Variants in PCID2 observed in about 807,000 individuals in gnomAD.
PCID2 encodes the protein PCI domain-containing protein 2.
Under a neutral mutation model 61.3 loss-of-function variants are expected in PCID2, and 41 were observed. That is an observed-to-expected ratio of 0.67 (90% CI 0.52 to 0.87). PCID2 has a LOEUF of 0.87. PCID2 is among the 40% of genes least tolerant of loss of function. The probability of loss-of-function intolerance (pLI) is 0.00; values close to 1 mark genes in which losing one functional copy is unlikely to be tolerated. For synonymous variants in PCID2, 187 were observed against 177.8 expected (o/e 1.05, Z -0.41); for missense variants, 392 against 493.4 (o/e 0.79, Z 1.95).
the PCID2 span, among the ~76,000 whole-genome samples, chr13:113,168,079 G>T: frequency 6.6e-6 from 1 of 152,078 alleles, no homozygotes; most frequent in Non-Finnish European, 1.5e-5. Context: ...TCCTGACCTG[G>T]GTGCTGGTTT....
chr13:113,176,573 GCAA>G, downstream of PCID2, among the ~76,000 whole-genome samples: 1 of 3,844 alleles, frequency 2.6e-4, no homozygotes, highest in Non-Finnish European at 0.045. Flanking sequence ...ACCAGCCTGT[GCAA>G]TATTAGCAAG....
intron 10 of PCID2, among the ~76,000 whole-genome samples, chr13:113,180,540 T>C (rs1408123763): frequency 6.6e-6 from 1 of 152,222 alleles, no homozygotes; most frequent in East Asian, 1.9e-4. Flanking sequence ...GATGTAGGCA[T>C]ACGGAAGTAG....
At chr13:113,171,706 G>A in the PCID2 span, 21 of 1,613,680 alleles carry the variant, frequency 1.3e-5, no homozygotes, top group Admixed American at 3.3e-4. The surrounding 1 kb of genome is among the most constrained non-coding windows in gnomAD (Gnocchi z 5.1). Flanking sequence ...TGGAGCTGGA[G>A]TGGCCCATCC....
chr13:113,196,895 T>A, intron 4 of PCID2: 1 of 746,902 alleles, frequency 1.3e-6, no homozygotes, highest in Non-Finnish European at 2.3e-6. Context: ...GTAAATATAC[T>A]TACTACCTTA....
chr13:113,207,610 C>T (rs963857482), intron 1 of PCID2, among the ~76,000 whole-genome samples: 1 of 152,170 alleles, frequency 6.6e-6, no homozygotes, highest in Non-Finnish European at 1.5e-5. Flanking sequence ...AAACATACAT[C>T]CATTTCTTCG....
rs749906307 is a variant in PCID2, at chr13:113,179,139, C to T, written c.987-50G>A. 3.2e-6 allele frequency: 5 copies of T among 1,561,688 alleles called. No individual in the cohort carries two copies. In the East Asian group the frequency reaches 1.1e-4, roughly 35 times the overall value. On this transcript the variant is annotated intron_variant, in intron 12 of 13. Coordinates refer to ENST00000337344, the MANE Select transcript of PCID2 (RefSeq NM_001127202.4). The surrounding 1 kb of genome is among the most constrained non-coding windows in gnomAD (Gnocchi z 4.3). ...CTGTGGTTACCGACAGGATGCAATA[C>T]TCCACAGCCAAGAAAAGGCACCTCT...
intron 7 of PCID2, among the ~76,000 whole-genome samples, chr13:113,188,997 T>C (rs1414011958): frequency 2.0e-5 from 3 of 152,004 alleles, no homozygotes; most frequent in South Asian, 2.1e-4. Flanking sequence ...CTGATCCCCG[T>C]TGTTGGAGGA....
the PCID2 span, among the ~76,000 whole-genome samples, chr13:113,167,858 CCT>C: frequency 6.6e-6 from 1 of 152,070 alleles, no homozygotes; most frequent in Admixed American, 6.5e-5. Context: ...GTTCTTTTCC[CCT>C]TTTTCTGCCT....
chr13:113,171,912 C>G, the PCID2 span: 1 of 1,613,760 alleles, frequency 6.2e-7, no homozygotes, highest in Non-Finnish European at 8.5e-7. The surrounding 1 kb of genome is among the most constrained non-coding windows in gnomAD (Gnocchi z 5.1). Flanking sequence ...ACTGTCACCA[C>G]CAGGACCTAC....
At chr13:113,168,035 G>T in the PCID2 span, among the ~76,000 whole-genome samples, 2 of 152,156 alleles carry the variant, frequency 1.3e-5, no homozygotes. Flanking sequence ...GCTGTAGCAT[G>T]AGTCCTTACA....
At chr13:113,198,740 A>C (rs1208617919) in intron 2 of PCID2, among the ~76,000 whole-genome samples, 1 of 151,892 alleles carries the variant, frequency 6.6e-6, no homozygotes, top group Non-Finnish European at 1.5e-5. Flanking sequence ...TCATTACTTC[A>C]ACAAATATTT....
chr13:113,173,304 A>G (rs992767396), downstream of PCID2, among the ~76,000 whole-genome samples: 2 of 152,230 alleles, frequency 1.3e-5, no homozygotes, highest in African/African-American at 4.8e-5. Flanking sequence ...CCCCCAGTGA[A>G]ACGTCCTTGG....
In PCID2 at chr13:113,206,098, G is replaced by A. The variant is rs143652222; in HGVS notation, c.36+2501C>T. Among the ~76,000 whole-genome samples, 1,517 of 152,336 alleles carry A rather than the reference G, an allele frequency of 1.0e-2. 6 individuals are homozygous for A. The highest frequency in any genetic ancestry group is 0.037 in the Middle Eastern group (11 of 294). On this transcript the variant is annotated intron_variant, in intron 1 of 13. Transcript: ENST00000337344. ...TCCCTGGAGGAAACAGAGAGTCAAT[G>A]AAGTTTTAGTAACAGAGGCAGATGC... is the stretch of plus-strand genomic sequence containing the variant.
chr13:113,165,159 T>C, the PCID2 span: 17 of 1,569,874 alleles, frequency 1.1e-5, no homozygotes, highest in Middle Eastern at 1.7e-4. Context: ...TTTATTGTTA[T>C]GACTTTCACC....
At chr13:113,189,719 G>GAA (rs34942283) in intron 7 of PCID2, among the ~76,000 whole-genome samples, 26,976 of 141,172 alleles carry the variant, frequency 0.19, 2,893 homozygotes, top group South Asian at 0.41. Context: ...TGAAGGAGAG[G>GAA]AAAAAAAAAA....
intron 7 of PCID2, chr13:113,186,375 G>C (rs1458644726): frequency 6.6e-6 from 1 of 152,308 alleles, no homozygotes; most frequent in African/African-American, 2.4e-5. Context: ...ACCTAGGGGA[G>C]GGTGTGCCAC....
chr13:113,205,359 G>T (rs1192057875), intron 1 of PCID2, among the ~76,000 whole-genome samples: 1 of 152,156 alleles, frequency 6.6e-6, no homozygotes, highest in Non-Finnish European at 1.5e-5. Flanking sequence ...ATAATAAAAA[G>T]AATGGAAAAA....
At chr13:113,199,826 G>T (rs1047940000) in intron 2 of PCID2, among the ~76,000 whole-genome samples, 4 of 152,204 alleles carry the variant, frequency 2.6e-5, no homozygotes, top group Non-Finnish European at 4.4e-5. Context: ...GGTCTGAGTT[G>T]CAAGTCTGTA....
chr13:113,181,045 T>G, intron 10 of PCID2, 85 bp downstream of exon 10: 1 of 865,080 alleles, frequency 1.2e-6, no homozygotes, highest in Non-Finnish European at 2.0e-6. Context: ...AACTACAGAC[T>G]GTCTGCTAGG....
Sources: allele counts gnomAD v4.1 joint callset (sites outside exome capture counted in the v4.1 genomes callset), GRCh38; gene constraint gnomAD v4.1.1; non-coding constraint Gnocchi (gnomAD v3.1); transcripts MANE v1.5; gene names NCBI Gene and HGNC (gene_info 2026-07-23, HGNC 2026-07-21).